The following CFAP20DC variants were observed in gnomAD, a reference collection of about 807,000 sequenced individuals.
CFAP20DC encodes the protein CFAP20 domain containing, also known as protein CFAP20DC.
CFAP20DC carries 84 observed loss-of-function variants against 101.7 expected under a neutral mutation model. The ratio of observed to expected loss-of-function variants is 0.83; its 90% CI spans 0.69 to 0.99. CFAP20DC has a LOEUF of 0.99. Ranked by LOEUF, CFAP20DC falls within the 50% of genes least tolerant of loss-of-function variation. The pLI is 0.00. For synonymous variants in CFAP20DC, 359 were observed against 351.2 expected (o/e 1.02, Z -0.25); for missense variants, 1,007 against 970.3 (o/e 1.04, Z -0.50).
chr3:58,887,998 C>T (rs1455180299), intron 6 of CFAP20DC, among the ~76,000 whole-genome samples: 1 of 152,154 alleles, frequency 6.6e-6, no homozygotes, highest in Non-Finnish European at 1.5e-5. Flanking sequence ...AGCTTTAGGA[C>T]CATCTATTAC....
intron 11 of CFAP20DC, 41 bp downstream of exon 11, chr3:58,866,525 T>A (rs776451982): frequency 6.7e-7 from 1 of 1,491,366 alleles, no homozygotes; most frequent in Admixed American, 2.2e-5. Flanking sequence ...TATTTACATT[T>A]TATTCATTAT....
chr3:58,862,313 G>C, intron 12 of CFAP20DC: 1 of 985,306 alleles, frequency 1.0e-6, no homozygotes, highest in Non-Finnish European at 1.2e-6. Flanking sequence ...GCTGGGATGA[G>C]GACACTATTA....
At chr3:58,809,193 C>CA (rs2074386658) in intron 14 of CFAP20DC, among the ~76,000 whole-genome samples, 1 of 152,044 alleles carries the variant, frequency 6.6e-6, no homozygotes, top group Non-Finnish European at 1.5e-5. Flanking sequence ...AGCTCTGCAC[C>CA]AAGCGGACCT....
rs1238493420 is a variant in CFAP20DC at position 59,006,235 on chromosome 3, C to A, written c.278+33322G>T. ...CTGTCATCCCAGCAACCAGAATAAGCCAAGAAAACTATAAAATCATGACGT... is the reference window on the plus strand; with the variant it reads ...CTGTCATCCCAGCAACCAGAATAAGACAAGAAAACTATAAAATCATGACGT... On this transcript the variant is annotated intron_variant, in intron 4 of 16. Transcript: ENST00000482387. The surrounding 1 kb of genome is among the most constrained non-coding windows in gnomAD (Gnocchi z 4.3). 6.6e-6 allele frequency among the ~76,000 whole-genome samples: 1 copy of A among 151,918 alleles called. No homozygotes were observed. The highest frequency in any genetic ancestry group is 1.5e-5 in the Non-Finnish European group (1 of 67,996).
chr3:58,751,026 T>C (rs1000429178), intron 16 of CFAP20DC, among the ~76,000 whole-genome samples: 2 of 152,090 alleles, frequency 1.3e-5, no homozygotes, highest in South Asian at 2.1e-4. Flanking sequence ...TCTACTTTTT[T>C]CCCCCACGCT....
chr3:58,925,869 A>G (rs2085905469), intron 5 of CFAP20DC, among the ~76,000 whole-genome samples: 1 of 152,188 alleles, frequency 6.6e-6, no homozygotes, highest in African/African-American at 2.4e-5. Flanking sequence ...CATTCTGCCA[A>G]TTTAAGTATT....
chr3:58,825,950 A>G (rs1235050714), intron 14 of CFAP20DC, among the ~76,000 whole-genome samples: 2 of 152,222 alleles, frequency 1.3e-5, no homozygotes, highest in Non-Finnish European at 2.9e-5. Flanking sequence ...TTTAAACAGT[A>G]CATATTACTC....
intron 4 of CFAP20DC, among the ~76,000 whole-genome samples, chr3:58,957,244 T>A (rs1014052511): frequency 6.6e-6 from 1 of 152,114 alleles, no homozygotes; most frequent in Non-Finnish European, 1.5e-5. Context: ...CAAACACACA[T>A]ATAAAAATGT....
chr3:58,995,974 A>C (rs1034912164), intron 4 of CFAP20DC, among the ~76,000 whole-genome samples: 2 of 85,878 alleles, frequency 2.3e-5, no homozygotes, highest in African/African-American at 9.3e-5. Context: ...TCTGTATAAT[A>C]AATCTATCTA....
chr3:58,998,881 G>T (rs966089203), intron 4 of CFAP20DC, among the ~76,000 whole-genome samples: 4 of 152,220 alleles, frequency 2.6e-5, no homozygotes, highest in Admixed American at 2.6e-4. Context: ...GGATTATTTG[G>T]TATTATTACT....
chr3:58,848,728 A>G (rs778408459), intron 13 of CFAP20DC, among the ~76,000 whole-genome samples: 1 of 152,212 alleles, frequency 6.6e-6, no homozygotes, highest in Non-Finnish European at 1.5e-5. Flanking sequence ...CATCATTTAT[A>G]ATTTGCAGGC....
rs1020963287 is a variant in CFAP20DC, at chr3:59,014,514, T to C, written c.278+25043A>G. Among the ~76,000 whole-genome samples, 6 of 152,170 alleles carry C rather than the reference T, an allele frequency of 3.9e-5. No individual in the cohort carries two copies. The highest frequency in any genetic ancestry group is 7.4e-5 in the Non-Finnish European group (5 of 68,014). ...CTCACAAGTAAAAAGAGGGTAACAG[T>C]TGAAAAGCCTGAATTTTTCTGACAG... On this transcript the variant is annotated intron_variant, in intron 4 of 16. Coordinates refer to ENST00000482387, the MANE Select transcript of CFAP20DC (RefSeq NM_001394063.1). This position sits in a 1 kb window ranked among gnomAD's most constrained non-coding sequence, Gnocchi z 4.9.
At chr3:58,992,324 T>C (rs541228064) in intron 4 of CFAP20DC, among the ~76,000 whole-genome samples, 8 of 152,210 alleles carry the variant, frequency 5.3e-5, no homozygotes, top group Non-Finnish European at 8.8e-5. Context: ...CAATTTGACA[T>C]TGCTGTAACA....
At chr3:58,915,834 T>C (rs2084647794) in intron 5 of CFAP20DC, among the ~76,000 whole-genome samples, 1 of 152,150 alleles carries the variant, frequency 6.6e-6, no homozygotes, top group Non-Finnish European at 1.5e-5. Flanking sequence ...CATTTAACTG[T>C]TTCTTCCCTC....
intron 15 of CFAP20DC, among the ~76,000 whole-genome samples, chr3:58,784,641 T>C (rs1168159997): frequency 3.9e-5 from 6 of 152,106 alleles, no homozygotes; most frequent in Admixed American, 3.9e-4. Flanking sequence ...AGCGCATGTG[T>C]CTTTTTGGAA....
intron 15 of CFAP20DC, among the ~76,000 whole-genome samples, chr3:58,798,728 T>C (rs2073441267): frequency 6.6e-6 from 1 of 152,330 alleles, no homozygotes; most frequent in East Asian, 1.9e-4. Context: ...ATTGTTGTCT[T>C]ATTTTAAGAA....
At chr3:58,961,757 G>T (rs1460186296) in intron 4 of CFAP20DC, among the ~76,000 whole-genome samples, 1 of 151,408 alleles carries the variant, frequency 6.6e-6, no homozygotes, top group Admixed American at 6.6e-5. Context: ...GTTGTGATAA[G>T]TTTCTACCTT....
chr3:59,019,140 A>C (rs981885896), intron 4 of CFAP20DC: 5 of 152,158 alleles, frequency 3.3e-5, no homozygotes, highest in African/African-American at 9.7e-5. Flanking sequence ...GTCTCAAACC[A>C]TAAGTGTTAT....
At chr3:58,943,859 G>A (rs752664876) in intron 4 of CFAP20DC, among the ~76,000 whole-genome samples, 18 of 152,026 alleles carry the variant, frequency 1.2e-4, no homozygotes, top group South Asian at 2.1e-4. Context: ...CTAGAATAAC[G>A]AGTTTAGAAA....
Sources: allele counts gnomAD v4.1 joint callset (sites outside exome capture counted in the v4.1 genomes callset), GRCh38; gene constraint gnomAD v4.1.1; non-coding constraint Gnocchi (gnomAD v3.1); transcripts MANE v1.5; gene names NCBI Gene and HGNC (gene_info 2026-07-23, HGNC 2026-07-21).